The following AGAP1 variants were observed in gnomAD, a reference collection of about 807,000 sequenced individuals.
AGAP1 encodes the protein arf-GAP with GTPase, ANK repeat and PH domain-containing protein 1.
In AGAP1, 29 loss-of-function variants were observed where a neutral mutation model predicts 105.3. The ratio of observed to expected loss-of-function variants is 0.28; its 90% confidence interval spans 0.21 to 0.38. The LOEUF (loss-of-function observed/expected upper bound fraction) is 0.38, where lower values mean the gene tolerates loss of function less well. AGAP1 is among the 10% of genes least tolerant of loss of function. The pLI is 1.00. For missense variants in AGAP1, 998 were observed against 1,165.1 expected (o/e 0.86, Z 2.09); for synonymous variants, 509 against 485.9 (o/e 1.05, Z -0.63).
At chr2:235,602,404 T>C (rs547723767) in intron 1 of AGAP1, among the ~76,000 whole-genome samples, 1 of 152,294 alleles carries the variant, frequency 6.6e-6, no homozygotes, top group South Asian at 2.1e-4. Context: ...AGTGGAACTT[T>C]GTTAACCCCT....
rs1263050072 is a variant in AGAP1 at position 235,843,148 on chromosome 2, G to A, written c.1050+35817G>A. Among the ~76,000 whole-genome samples, 1 of 152,128 alleles carries A rather than the reference G, an allele frequency of 6.6e-6. No homozygotes were observed. Among genetic ancestry groups the A allele is most frequent in the African/African-American group, 2.4e-5 (1 of 41,426 alleles). On this transcript the variant is annotated intron_variant, in intron 9 of 17. Coordinates refer to ENST00000304032, the MANE Select transcript of AGAP1 (RefSeq NM_001037131.3). The surrounding 1 kb of genome is among the most constrained non-coding windows in gnomAD (Gnocchi z 5.9). Reference sequence around the variant, plus strand: ...CAGCCCTTTGAGACCAAATCTGCCTGTGAAGTCGCTGTTCATCCCTGCAGG... The same window carrying A: ...CAGCCCTTTGAGACCAAATCTGCCTATGAAGTCGCTGTTCATCCCTGCAGG...
chr2:235,883,529 C>A lies in AGAP1; in HGVS notation c.1155+80C>A. 2 of 1,158,502 alleles carry A rather than the reference C, an allele frequency of 1.7e-6. No homozygotes were observed. The highest frequency in any genetic ancestry group is 2.4e-5 in the East Asian group (1 of 42,252). 71.8% of individuals were successfully genotyped at this position (1,158,502 alleles called of 1,614,324 possible). ...TGGGGAAGGGGAACCTACCAGCAGC[C>A]CAGCCTCTTGTCTCTGTTTGAAGTG... is the stretch of plus-strand genomic sequence containing the variant. On this transcript the variant is annotated intron_variant, in intron 10 of 17. Coordinates refer to ENST00000304032, the MANE Select transcript of AGAP1 (RefSeq NM_001037131.3). The surrounding 1 kb of genome is among the most constrained non-coding windows in gnomAD (Gnocchi z 4.5).
rs1023923180 is a variant in AGAP1 at position 235,601,134 on chromosome 2, C to T, written c.163+106285C>T. 6.6e-6 allele frequency among the ~76,000 whole-genome samples: 1 copy of T among 152,168 alleles called. No individual in the cohort carries two copies. Among genetic ancestry groups the T allele is most frequent in the Non-Finnish European group, 1.5e-5 (1 of 68,028 alleles). On this transcript the variant is annotated intron_variant, in intron 1 of 17. Coordinates refer to ENST00000304032, the MANE Select transcript of AGAP1 (RefSeq NM_001037131.3). This position sits in a 1 kb window ranked among gnomAD's most constrained non-coding sequence, Gnocchi z 4.4. ...TTAGCTTGGGCTGCCACGACAGAGA[C>T]CACAGAGTGGGTGGCTTAACAGAAG...
chr2:235,940,270 A>G (rs1230699210), intron 12 of AGAP1, among the ~76,000 whole-genome samples: 1 of 151,892 alleles, frequency 6.6e-6, no homozygotes, highest in Non-Finnish European at 1.5e-5. Context: ...GTCCTAACTC[A>G]TCTCTGGCCT....
intron 12 of AGAP1, among the ~76,000 whole-genome samples, chr2:235,933,647 C>G (rs2052838763): frequency 6.6e-6 from 1 of 151,780 alleles, no homozygotes; most frequent in Non-Finnish European, 1.5e-5. Context: ...GTTCTCCTGC[C>G]TCAGGCTCCC....
Position 235,612,079 on chromosome 2 carries a change from T to C in AGAP1, c.164-97100T>C, listed in dbSNP as rs1167240237. ...AGTCTCACTGGAGAACAATCAGACA[T>C]GCTTTATTTTCTACTTGTAATCGTA... is the stretch of plus-strand genomic sequence containing the variant. On this transcript the variant is annotated intron_variant, in intron 1 of 17. Coordinates refer to ENST00000304032, the MANE Select transcript of AGAP1 (RefSeq NM_001037131.3). The surrounding 1 kb of genome is among the most constrained non-coding windows in gnomAD (Gnocchi z 4.3). 6.6e-6 allele frequency among the ~76,000 whole-genome samples: 1 copy of C among 152,224 alleles called. No homozygotes were observed. The highest frequency in any genetic ancestry group is 1.5e-5 in the Non-Finnish European group (1 of 68,052).
intron 6 of AGAP1, chr2:235,775,550 TTC>T (rs765872607): frequency 3.9e-5 from 6 of 152,220 alleles, no homozygotes; most frequent in Non-Finnish European, 5.9e-5. Context: ...CAGCCTAGAT[TTC>T]TCTGTCTGCC....
At chr2:235,618,073 CTGTA>C (rs2149265813) in intron 1 of AGAP1, among the ~76,000 whole-genome samples, 1 of 152,182 alleles carries the variant, frequency 6.6e-6, no homozygotes, top group Admixed American at 6.5e-5. Flanking sequence ...AGATCTGCGT[CTGTA>C]TGTGATCGCA....
chr2:236,103,023 G>T (rs2059399020), intron 16 of AGAP1, among the ~76,000 whole-genome samples: 1 of 89,654 alleles, frequency 1.1e-5, no homozygotes, highest in African/African-American at 4.8e-5. Context: ...CCACCCCCAG[G>T]CCTGGCCTCC....
intron 13 of AGAP1, among the ~76,000 whole-genome samples, chr2:236,018,594 A>G (rs2056786858): frequency 1.3e-5 from 2 of 152,242 alleles, no homozygotes; most frequent in South Asian, 4.1e-4. Flanking sequence ...AAGTACTTCC[A>G]GTACCTAAAT....
At chr2:235,894,973 G>T (rs1004497489) in intron 10 of AGAP1, among the ~76,000 whole-genome samples, 6 of 152,180 alleles carry the variant, frequency 3.9e-5, no homozygotes, top group African/African-American at 1.2e-4. Context: ...TGATTGCTTG[G>T]TAGCTCTTCT....
chr2:235,744,745 T>C lies in AGAP1; in HGVS notation c.444T>C (p.Asp148=). 1 of 1,613,970 alleles carries C rather than the reference T, an allele frequency of 6.2e-7. No individual in the cohort carries two copies. The highest frequency in any genetic ancestry group is 1.1e-5 in the South Asian group (1 of 91,066). ...DAVIFVFSLE[D]EISFQTVYHY... ...TTATATTTGTCTTCAGCTTGGAGGATGAAATAAGTTTCCAGACCGTTTACC... is the reference window on the plus strand; with the variant it reads ...TTATATTTGTCTTCAGCTTGGAGGACGAAATAAGTTTCCAGACCGTTTACC... Residue 148 remains aspartate (D), a synonymous_variant, in exon 5 of 18, where the codon GAT becomes GAC. Coordinates refer to ENST00000304032, the MANE Select transcript of AGAP1 (RefSeq NM_001037131.3). This position sits in a 1 kb window ranked among gnomAD's most constrained non-coding sequence, Gnocchi z 5.2.
intron 9 of AGAP1, among the ~76,000 whole-genome samples, chr2:235,841,878 C>T (rs996345997): frequency 9.2e-5 from 14 of 151,968 alleles, no homozygotes; most frequent in African/African-American, 3.1e-4. Flanking sequence ...TTCCTGTTTC[C>T]TCACCCGTAT....
At chr2:235,594,042 T>G (rs566556186) in intron 1 of AGAP1, among the ~76,000 whole-genome samples, 1 of 152,210 alleles carries the variant, frequency 6.6e-6, no homozygotes, top group African/African-American at 2.4e-5. Flanking sequence ...ATACATAAGT[T>G]TAATGAAGAT....
At chr2:235,997,377 G>A (rs930819990) in intron 13 of AGAP1, among the ~76,000 whole-genome samples, 3 of 152,200 alleles carry the variant, frequency 2.0e-5, no homozygotes, top group Non-Finnish European at 4.4e-5. Flanking sequence ...ATGAGCCACC[G>A]TGCCCAGCCT....
At chr2:235,693,212 C>T (rs1318186727) in intron 1 of AGAP1, among the ~76,000 whole-genome samples, 4 of 152,172 alleles carry the variant, frequency 2.6e-5, no homozygotes, top group Non-Finnish European at 4.4e-5. Context: ...GAGGAGGGGG[C>T]TTTGGGGCTG....
rs146193130 is a variant in AGAP1 at position 235,710,454 on chromosome 2, C to T, written c.222+1217C>T. Reference sequence around the variant, plus strand: ...CTGACACACCCATCCCCACCGCAACCGCGGGGTGTCATCAGCTGGGCCCAT... The same window carrying T: ...CTGACACACCCATCCCCACCGCAACTGCGGGGTGTCATCAGCTGGGCCCAT... On this transcript the variant is annotated intron_variant, in intron 2 of 17. Coordinates refer to ENST00000304032, the MANE Select transcript of AGAP1 (RefSeq NM_001037131.3). Among the ~76,000 whole-genome samples the T allele has an allele frequency of 8.0e-3, 1,212 of 152,300 alleles. 9 individuals carry two copies. Among genetic ancestry groups the T allele is most frequent in the Non-Finnish European group, 0.01 (700 of 68,042 alleles).
rs549576731 is a variant in AGAP1 at position 235,662,014 on chromosome 2, G to A, written c.164-47165G>A. On this transcript the variant is annotated intron_variant, in intron 1 of 17. Transcript: ENST00000304032. The surrounding 1 kb of genome is among the most constrained non-coding windows in gnomAD (Gnocchi z 4.2). ...GGCTTTTGGAGGCCAAGATTGTAGGGCAGTGTTATCCTGGGTGAGTTGGGG... is the reference window on the plus strand; with the variant it reads ...GGCTTTTGGAGGCCAAGATTGTAGGACAGTGTTATCCTGGGTGAGTTGGGG... Among the ~76,000 whole-genome samples the A allele has an allele frequency of 1.8e-4, 27 of 152,172 alleles. No homozygotes were observed. Among genetic ancestry groups the A allele is most frequent in the Non-Finnish European group, 3.1e-4 (21 of 68,028 alleles).
chr2:235,673,231 C>T lies in AGAP1; in HGVS notation c.164-35948C>T, dbSNP rs550335232. On this transcript the variant is annotated intron_variant, in intron 1 of 17. Coordinates refer to ENST00000304032, the MANE Select transcript of AGAP1 (RefSeq NM_001037131.3). ...GGTGTCACAACTTCTCATTTTATTA[C>T]ATTTTTCCAGTCTTTACATATTTGC... Among the ~76,000 whole-genome samples, 5 of 152,320 alleles carry T rather than the reference C, an allele frequency of 3.3e-5. No homozygotes were observed. In the East Asian group the frequency reaches 7.7e-4, roughly 23 times the overall value.
Sources: allele counts gnomAD v4.1 joint callset (sites outside exome capture counted in the v4.1 genomes callset), GRCh38; gene constraint gnomAD v4.1.1; non-coding constraint Gnocchi (gnomAD v3.1); transcripts MANE v1.5; gene names NCBI Gene and HGNC (gene_info 2026-07-23, HGNC 2026-07-21).